AKAP9: variants seen among roughly 807,000 people sequenced by gnomAD.
AKAP9 encodes A-kinase anchor protein 9.
Under a neutral mutation model 488.5 loss-of-function variants are expected in AKAP9, and 311 were observed. The ratio of observed to expected loss-of-function variants is 0.64; its 90% CI spans 0.58 to 0.70. AKAP9 has a LOEUF of 0.70. Among genes scored for constraint, AKAP9 ranks in the 30% least tolerant of loss-of-function variants. The pLI, the probability that AKAP9 is intolerant of heterozygous loss-of-function variation, is 0.00. For missense variants in AKAP9, 4,215 were observed against 4,374.5 expected (o/e 0.96, Z 1.03); for synonymous variants, 1,462 against 1,483.5 (o/e 0.99, Z 0.33).
intron 1 of AKAP9, among the ~76,000 whole-genome samples, chr7:91,941,859 T>C (rs1207604396): frequency 1.3e-5 from 2 of 149,962 alleles, no homozygotes; most frequent in African/African-American, 2.5e-5. Flanking sequence ...TTAGTTGTTA[T>C]ATATCTCTCT....
chr7:92,035,071 A>G (rs1804964657), intron 16 of AKAP9, among the ~76,000 whole-genome samples: 1 of 152,202 alleles, frequency 6.6e-6, no homozygotes, highest in African/African-American at 2.4e-5. Context: ...ATTTAATGCT[A>G]TACTCGAAAG....
chr7:91,970,316 GGTTT>G (rs1168403840), intron 1 of AKAP9, among the ~76,000 whole-genome samples: 1 of 152,138 alleles, frequency 6.6e-6, no homozygotes, highest in Non-Finnish European at 1.5e-5. Context: ...GTTTTTGGTA[GGTTT>G]GTCTTTTGGA....
chr7:91,984,740 A>G (rs1186702968), intron 3 of AKAP9, among the ~76,000 whole-genome samples: 4 of 152,160 alleles, frequency 2.6e-5, no homozygotes, highest in Admixed American at 6.5e-5. Flanking sequence ...CATTTTCACA[A>G]TATTGATTAT....
In AKAP9 at chr7:92,079,304, G is replaced by C; in HGVS notation, c.7171G>C (p.Val2391Leu). 1 of 1,614,070 alleles carries C rather than the reference G, an allele frequency of 6.2e-7. No individual in the cohort carries two copies. Among genetic ancestry groups the C allele is most frequent in the Non-Finnish European group, 8.5e-7 (1 of 1,180,004 alleles). ...CAGTTTAAAACATCAATTGGATGTG[G>C]TTATAGCTGAAAAGCTGGCCTTGGA... is the stretch of plus-strand genomic sequence containing the variant. ...ADSLKHQLDV[V>L]IAEKLALEQQ... Residue 2391 changes from valine (V) to leucine (L), a missense_variant, in exon 31 of 50, where the codon GTT (valine) becomes CTT (leucine). By Grantham distance (32) the Val-to-Leu change is conservative. Transcript: ENST00000356239.
chr7:92,095,717 C>T (rs1816452573), intron 40 of AKAP9, among the ~76,000 whole-genome samples: 1 of 152,120 alleles, frequency 6.6e-6, no homozygotes, highest in African/African-American at 2.4e-5. Context: ...TGGCTCAGAG[C>T]TCTTCTAGCC....
intron 18 of AKAP9, chr7:92,041,276 A>G: frequency 5.5e-6 from 1 of 182,924 alleles, no homozygotes; most frequent in Non-Finnish European, 1.1e-5. Context: ...GAGGTGCTCC[A>G]TTATGCAGTT....
chr7:92,094,514 CAA>C (rs1169752643), intron 39 of AKAP9, among the ~76,000 whole-genome samples: 3 of 143,584 alleles, frequency 2.1e-5, no homozygotes, highest in African/African-American at 2.6e-5. Flanking sequence ...TCCTGGGTGA[CAA>C]GAGGGAAACT....
At chr7:91,986,532 G>A (rs905042721) in intron 3 of AKAP9, among the ~76,000 whole-genome samples, 5 of 152,116 alleles carry the variant, frequency 3.3e-5, no homozygotes, top group Admixed American at 1.3e-4. Context: ...TTCTTGGAAC[G>A]GATCCTCACA....
chr7:92,082,750 C>T (rs1298412007), intron 32 of AKAP9, 88 bp downstream of exon 32: 1 of 1,402,968 alleles, frequency 7.1e-7, no homozygotes, highest in African/African-American at 1.4e-5. Flanking sequence ...AACAAATGAG[C>T]TCCATAACTT....
chr7:91,989,148 T>C (rs1797467694), intron 3 of AKAP9, among the ~76,000 whole-genome samples: 1 of 150,564 alleles, frequency 6.6e-6, no homozygotes, highest in South Asian at 2.1e-4. Context: ...CTTAATAAAT[T>C]GTTCTCAGAA....
At chr7:91,960,658 A>G (rs968346995) in intron 1 of AKAP9, among the ~76,000 whole-genome samples, 3 of 152,144 alleles carry the variant, frequency 2.0e-5, no homozygotes, top group Admixed American at 6.6e-5. Flanking sequence ...GTGTTTATCT[A>G]TATTTAATTT....
Position 92,052,923 on chromosome 7 carries a change from A to ACC in AKAP9, c.5566_5567insCC (p.Lys1856ThrfsTer4), listed in dbSNP as rs1199705408. 6.2e-7 allele frequency: 1 copy of ACC among 1,613,792 alleles called. No individual in the cohort carries two copies. The highest frequency in any genetic ancestry group is 1.1e-5 in the South Asian group (1 of 91,066). ...CTCTCGACTACAAGCAGCAGTTGAAAAACTCCTAGAAGCCATAAGTGAAAC... is the reference window on the plus strand; with the variant it reads ...CTCTCGACTACAAGCAGCAGTTGAAACCAACTCCTAGAAGCCATAAGTGAAAC... On this transcript the variant is annotated frameshift_variant, in exon 22 of 50. Transcript: ENST00000356239. LOFTEE classifies it high-confidence loss of function.
At chr7:92,017,156 T>TTTTTGTA (rs781352774) in intron 12 of AKAP9, 54 bp downstream of exon 12, 122 of 1,347,466 alleles carry the variant, frequency 9.1e-5, no homozygotes, top group Non-Finnish European at 1.2e-4. Flanking sequence ...ATTGTCTGCT[T>TTTTTGTA]TTTTGTAAGC....
At chr7:91,977,622 T>C (rs1440881051) in intron 2 of AKAP9, among the ~76,000 whole-genome samples, 1 of 152,226 alleles carries the variant, frequency 6.6e-6, no homozygotes, top group Non-Finnish European at 1.5e-5. Flanking sequence ...TCTGTGTTCC[T>C]CAGGGACGGT....
intron 14 of AKAP9, among the ~76,000 whole-genome samples, chr7:92,029,224 C>T (rs1197759229): frequency 8.0e-6 from 1 of 124,528 alleles, no homozygotes; most frequent in Non-Finnish European, 1.7e-5. Flanking sequence ...AAAAACTACA[C>T]AATACAGATG....
Position 92,097,262 on chromosome 7 carries a change from C to G in AKAP9, c.10303C>G (p.Arg3435Gly). The stretch of plus-strand genomic sequence containing the variant: ...TTATAAGTTAGACCTTGAAGGACAG[C>G]GACTACAAGGAATCATGCAGGAATT... ...QVYKLDLEGQ[R>G]LQGIMQEFQK... The change falls in exon 41 of 50, where the codon CGA becomes GGA. Residue 3435 changes from arginine (R) to glycine (G), a missense_variant. Physicochemically the swap from Arg to Gly is moderately radical, Grantham distance 125 (BLOSUM62 -2). Coordinates refer to ENST00000356239, the MANE Select transcript of AKAP9 (RefSeq NM_005751.5). The G allele has an allele frequency of 6.2e-7, 1 of 1,613,734 alleles. No homozygotes were observed. Among genetic ancestry groups the G allele is most frequent in the Non-Finnish European group, 8.5e-7 (1 of 1,179,948 alleles).
At position 92,083,541 on chromosome 7, in the gene AKAP9, CA is replaced by C; in HGVS notation, c.8533del (p.Arg2845AspfsTer9). The part of the protein sequence containing the change: ...HAAEILDMES[R>X]HISETETLKR... Reference sequence around the variant, plus strand: ...CTGCTGAAATTTTGGACATGGAATCCAGACATATTTCAGAAACTGAAACCTT... The same window carrying C: ...CTGCTGAAATTTTGGACATGGAATCCGACATATTTCAGAAACTGAAACCTT... On this transcript the variant is annotated frameshift_variant, in exon 33 of 50. Coordinates refer to ENST00000356239, the MANE Select transcript of AKAP9 (RefSeq NM_005751.5). LOFTEE classifies it high-confidence loss of function. The C allele has an allele frequency of 6.2e-7, 1 of 1,601,912 alleles. No individual in the cohort carries two copies. The highest frequency in any genetic ancestry group is 8.5e-7 in the Non-Finnish European group (1 of 1,174,886).
chr7:92,041,571 G>A (rs945585890), intron 18 of AKAP9: 1 of 158,660 alleles, frequency 6.3e-6, no homozygotes, highest in Non-Finnish European at 1.4e-5. Flanking sequence ...CAAAACCATT[G>A]CAGAAAAGCA....
chr7:92,052,695 A>G, intron 21 of AKAP9, 31 bp from the exon 22 acceptor site: 5 of 1,406,894 alleles, frequency 3.6e-6, no homozygotes, highest in Non-Finnish European at 4.9e-6. Flanking sequence ...TATTATAATT[A>G]ATTTATGCCT....
Sources: allele counts gnomAD v4.1 joint callset (sites outside exome capture counted in the v4.1 genomes callset), GRCh38; gene constraint gnomAD v4.1.1; transcripts MANE v1.5; gene names NCBI Gene and HGNC (gene_info 2026-07-23, HGNC 2026-07-21).